KCNH8: variants seen among roughly 807,000 people sequenced by gnomAD.
The protein encoded by KCNH8 is potassium voltage-gated channel subfamily H member 8.
Under a neutral mutation model 103.6 loss-of-function variants are expected in KCNH8, and 70 were observed. The observed-to-expected ratio is 0.68, with a 90% confidence interval of 0.56 to 0.82. The LOEUF (loss-of-function observed/expected upper bound fraction) is 0.82. Ranked by LOEUF, KCNH8 falls within the 40% of genes least tolerant of loss-of-function variation. The probability of loss-of-function intolerance (pLI) is 0.00; values close to 1 mark genes in which losing one functional copy is unlikely to be tolerated. For synonymous variants in KCNH8, 498 were observed against 489.4 expected (o/e 1.02, Z -0.23); for missense variants, 1,217 against 1,329.9 (o/e 0.92, Z 1.32).
intron 1 of KCNH8, among the ~76,000 whole-genome samples, chr3:19,204,899 G>A (rs2063698918): frequency 6.6e-6 from 1 of 152,022 alleles, no homozygotes; most frequent in African/African-American, 2.4e-5. Context: ...CTTTGCGCTT[G>A]ATCTTCCTGA....
At chr3:19,340,901 C>T (rs1205416219) in intron 3 of KCNH8, among the ~76,000 whole-genome samples, 1 of 152,018 alleles carries the variant, frequency 6.6e-6, no homozygotes, top group Non-Finnish European at 1.5e-5. Context: ...AGGGAGAGAC[C>T]AAGGCAAGTT....
intron 3 of KCNH8, among the ~76,000 whole-genome samples, chr3:19,340,369 T>A (rs1209927084): frequency 6.7e-6 from 1 of 149,228 alleles, no homozygotes; most frequent in African/African-American, 2.4e-5. Context: ...TTTTTTTTTT[T>A]TTATTATACT....
intron 5 of KCNH8, among the ~76,000 whole-genome samples, chr3:19,361,346 G>T (rs997216499): frequency 2.0e-5 from 3 of 152,044 alleles, no homozygotes; most frequent in Admixed American, 6.6e-5. Context: ...GGAGTAAAGG[G>T]CTATCACATT....
In KCNH8 at chr3:19,350,850, C is replaced by T. The variant is rs529262660; in HGVS notation, c.811+2885C>T. 2.0e-5 allele frequency among the ~76,000 whole-genome samples: 3 copies of T among 152,234 alleles called. No individual in the cohort carries two copies. In the South Asian group the frequency reaches 6.2e-4, roughly 32 times the overall value. On this transcript the variant is annotated intron_variant, in intron 5 of 15. Coordinates refer to ENST00000328405, the MANE Select transcript of KCNH8 (RefSeq NM_144633.3). The stretch of plus-strand genomic sequence containing the variant: ...TCCTCCAAAGGAACGCACCTCCTTG[C>T]CAGCAACGGAACAAAGCTGGATGGA...
At chr3:19,395,463 G>A (rs529835731) in intron 7 of KCNH8, 152 bp downstream of exon 7, 2 of 566,848 alleles carry the variant, frequency 3.5e-6, no homozygotes, top group South Asian at 2.7e-5. Flanking sequence ...CATGACACAA[G>A]TAATTTATTT....
chr3:19,296,000 A>T (rs938599507), intron 3 of KCNH8, among the ~76,000 whole-genome samples: 1 of 152,142 alleles, frequency 6.6e-6, no homozygotes, highest in Non-Finnish European at 1.5e-5. Context: ...TAGGAAAAAA[A>T]GTGTCCAGGA....
chr3:19,449,549 T>C (rs938883343), intron 8 of KCNH8, among the ~76,000 whole-genome samples: 18 of 152,032 alleles, frequency 1.2e-4, no homozygotes, highest in Middle Eastern at 3.4e-3. Flanking sequence ...AAATGTATCA[T>C]ATTTAATATT....
intron 3 of KCNH8, among the ~76,000 whole-genome samples, chr3:19,306,130 AC>A (rs1463113524): frequency 2.0e-5 from 3 of 152,030 alleles, no homozygotes; most frequent in Admixed American, 1.3e-4. Context: ...TGCATGTATA[AC>A]TTTTATTTAT....
rs1237289730 is a variant in KCNH8, at chr3:19,493,544, G to T, written c.2041-16819G>T. The stretch of plus-strand genomic sequence containing the variant: ...CTTCTGCCATGATTGTAGGTTTTCT[G>T]AGGCCTCCCCAGCCAAGCAGAACTG... On this transcript the variant is annotated intron_variant, in intron 11 of 15. Transcript: ENST00000328405. Among the ~76,000 whole-genome samples, 7 of 152,182 alleles carry T rather than the reference G, an allele frequency of 4.6e-5. No homozygotes were observed. The South Asian group carries it at 1.5e-3, about 32-fold the overall frequency.
chr3:19,268,309 G>T (rs924370174), intron 2 of KCNH8, among the ~76,000 whole-genome samples: 1 of 152,048 alleles, frequency 6.6e-6, no homozygotes, highest in Non-Finnish European at 1.5e-5. Flanking sequence ...AATTATATTT[G>T]AGTTGACTTT....
intron 3 of KCNH8, chr3:19,314,818 G>A (rs868806830): frequency 6.5e-6 from 1 of 154,240 alleles, no homozygotes. Flanking sequence ...ATTGAAAATA[G>A]CATTGGACTG....
At chr3:19,365,467 C>T (rs1262126605) in intron 5 of KCNH8, among the ~76,000 whole-genome samples, 6 of 148,818 alleles carry the variant, frequency 4.0e-5, no homozygotes, top group Non-Finnish European at 8.9e-5. Context: ...GCATAATATT[C>T]CATCATATAA....
At chr3:19,229,893 C>T (rs2063973629) in intron 1 of KCNH8, among the ~76,000 whole-genome samples, 1 of 152,164 alleles carries the variant, frequency 6.6e-6, no homozygotes, top group Admixed American at 6.5e-5. Context: ...ATGCCCCACT[C>T]TACTGGTACC....
chr3:19,459,962 C>T (rs978405617), intron 11 of KCNH8, among the ~76,000 whole-genome samples: 6 of 151,912 alleles, frequency 3.9e-5, no homozygotes, highest in African/African-American at 1.5e-4. Flanking sequence ...TTCTGTCTCT[C>T]TCTCTCTCTC....
intron 11 of KCNH8, among the ~76,000 whole-genome samples, chr3:19,464,741 G>A (rs2067701409): frequency 6.6e-6 from 1 of 152,116 alleles, no homozygotes; most frequent in Admixed American, 6.5e-5. Flanking sequence ...TCAAGTGGCT[G>A]ATATCCAAAT....
chr3:19,454,144 CTGTGTGTGTGTGTGTGTGTG>C lies in KCNH8; in HGVS notation c.1826-2590_1826-2571del, dbSNP rs372400109. On this transcript the variant is annotated intron_variant, in intron 10 of 15. Transcript: ENST00000328405. ...GTAACTCAATATTAGAGTAAGGCTT[CTGTGTGTGTGTGTGTGTGTG>C]TGTGTGTGTGTGTGTGTGTGTGTGT... Among the ~76,000 whole-genome samples the C allele has an allele frequency of 3.0e-3, 390 of 131,610 alleles. 5 individuals carry two copies. Among genetic ancestry groups the C allele is most frequent in the South Asian group, 0.013 (49 of 3,638 alleles). 86.3% of individuals were successfully genotyped at this position (131,610 alleles called of 152,430 possible). A position where few individuals can be genotyped will look rare whatever the true frequency, so the allele number is the denominator to read the frequency against.
intron 1 of KCNH8, among the ~76,000 whole-genome samples, chr3:19,160,699 G>A (rs2063225515): frequency 6.6e-6 from 1 of 152,002 alleles, no homozygotes; most frequent in African/African-American, 2.4e-5. Context: ...GATTTCAATT[G>A]CACACCCTTC....
At chr3:19,509,382 TC>T (rs2068746798) in intron 11 of KCNH8, among the ~76,000 whole-genome samples, 1 of 152,190 alleles carries the variant, frequency 6.6e-6, no homozygotes, top group African/African-American at 2.4e-5. Flanking sequence ...AAATTTTTTT[TC>T]ATGTGAATAA....
chr3:19,475,923 T>A (rs903374370), intron 11 of KCNH8, among the ~76,000 whole-genome samples: 11 of 152,178 alleles, frequency 7.2e-5, no homozygotes, highest in Middle Eastern at 3.2e-3. Context: ...GCCAGTAACA[T>A]CTTCCTTCTG....
Sources: gnomAD v4.1 joint callset for allele counts (sites outside exome capture counted in the v4.1 genomes callset) on GRCh38, gnomAD v4.1.1 for gene constraint, MANE v1.5 for transcripts, NCBI Gene and HGNC (gene_info 2026-07-23, HGNC 2026-07-21) for gene names.